The following POLR3B variants were observed in gnomAD, a reference collection of about 807,000 sequenced individuals.
POLR3B encodes the protein RNA polymerase III subunit B.
A neutral mutation model predicts 147.4 loss-of-function variants in POLR3B; 96 were observed. The ratio of observed to expected loss-of-function variants is 0.65; its 90% CI spans 0.55 to 0.77. The LOEUF (loss-of-function observed/expected upper bound fraction) is 0.77, where lower values mean the gene tolerates loss of function less well. Ranked by LOEUF, POLR3B falls within the 30% of genes least tolerant of loss-of-function variation. The probability of loss-of-function intolerance (pLI) is 0.00; values close to 1 mark genes in which losing one functional copy is unlikely to be tolerated. For synonymous variants in POLR3B, 461 were observed against 485.9 expected, an observed-to-expected ratio of 0.95 and a Z score of 0.67; for missense variants, 1,036 against 1,413.5, an observed-to-expected ratio of 0.73 and a Z score of 4.28.
intron 21 of POLR3B, among the ~76,000 whole-genome samples, chr12:106,458,428 TATG>T (rs1168494228): frequency 6.6e-6 from 1 of 152,178 alleles, no homozygotes; most frequent in African/African-American, 2.4e-5. Flanking sequence ...CTATTTTCAT[TATG>T]ATCCTAAAAG....
intron 23 of POLR3B, among the ~76,000 whole-genome samples, chr12:106,474,766 A>G (rs1169611101): frequency 6.8e-6 from 1 of 146,728 alleles, no homozygotes; most frequent in African/African-American, 2.5e-5. Flanking sequence ...TTTTTTCTTT[A>G]TTAGTCTTGC....
chr12:106,436,071 C>T (rs1232152726), intron 16 of POLR3B, among the ~76,000 whole-genome samples: 1 of 152,152 alleles, frequency 6.6e-6, no homozygotes, highest in Non-Finnish European at 1.5e-5. Context: ...GCCAGAATTT[C>T]GAGGTACTGT....
chr12:106,384,061 A>G (rs184693097), intron 9 of POLR3B, among the ~76,000 whole-genome samples: 6 of 152,260 alleles, frequency 3.9e-5, no homozygotes, highest in Admixed American at 6.5e-5. Context: ...TATTGCAAGA[A>G]TTACCAAAGT....
At chr12:106,434,925 T>C (rs2037558077) in intron 16 of POLR3B, among the ~76,000 whole-genome samples, 1 of 152,148 alleles carries the variant, frequency 6.6e-6, no homozygotes, top group Non-Finnish European at 1.5e-5. Context: ...ATGAGGTCAG[T>C]CAGACCCCCT....
chr12:106,390,645 TAA>T (rs1008965984), intron 9 of POLR3B, among the ~76,000 whole-genome samples: 1 of 140,386 alleles, frequency 7.1e-6, no homozygotes. Context: ...AATTGGAGGT[TAA>T]AAAAAAAGAC....
intron 27 of POLR3B, 41 bp from the exon 28 acceptor site, chr12:106,509,379 C>T (rs1009228834): frequency 6.2e-6 from 10 of 1,610,732 alleles, no homozygotes; most frequent in East Asian, 2.2e-5. Context: ...CCTTTGTTTC[C>T]GAGTTGCTGT....
intron 23 of POLR3B, among the ~76,000 whole-genome samples, chr12:106,483,135 A>C (rs575987805): frequency 5.6e-4 from 85 of 152,268 alleles, no homozygotes; most frequent in African/African-American, 1.9e-3. Context: ...GGCCTGTAAA[A>C]CCCAAATATA....
chr12:106,431,299 T>G (rs1338951671), intron 14 of POLR3B, among the ~76,000 whole-genome samples: 1 of 152,216 alleles, frequency 6.6e-6, no homozygotes, highest in African/African-American at 2.4e-5. Context: ...ACACTAAAAT[T>G]ATCCAGTTTG....
chr12:106,455,344 A>G (rs911969772), intron 20 of POLR3B, among the ~76,000 whole-genome samples: 1 of 152,168 alleles, frequency 6.6e-6, no homozygotes, highest in South Asian at 2.1e-4. Context: ...CGTACCCACT[A>G]TGCCTTCCCC....
chr12:106,369,244 A>T, intron 4 of POLR3B, 31 bp from the exon 5 acceptor site: 1 of 1,163,136 alleles, frequency 8.6e-7, no homozygotes, highest in Non-Finnish European at 1.3e-6. Flanking sequence ...TCGAAGAAGT[A>T]TAATTCATAC....
intron 27 of POLR3B, among the ~76,000 whole-genome samples, chr12:106,508,624 AT>A (rs1291668882): frequency 6.6e-6 from 1 of 152,218 alleles, no homozygotes; most frequent in Non-Finnish European, 1.5e-5. Context: ...GTAGCCATTG[AT>A]TAAGAACTAA....
intron 21 of POLR3B, 69 bp from the exon 22 acceptor site, chr12:106,459,182 C>T: frequency 1.1e-6 from 1 of 903,024 alleles, no homozygotes; most frequent in Non-Finnish European, 1.8e-6. Flanking sequence ...TGCATCTTTG[C>T]CTAGTTCGTA....
chr12:106,508,803 T>C (rs1194205369), intron 27 of POLR3B, among the ~76,000 whole-genome samples: 1 of 152,188 alleles, frequency 6.6e-6, no homozygotes. Context: ...CAACATGTTG[T>C]AAGTATAGTA....
chr12:106,504,238 C>A lies in POLR3B; in HGVS notation c.3256C>A (p.Leu1086Met). The A allele has an allele frequency of 6.2e-7, 1 of 1,614,016 alleles. No individual in the cohort carries two copies. Among genetic ancestry groups the A allele is most frequent in the South Asian group, 1.1e-5 (1 of 91,074 alleles). ...TGATGTCTGTGGGCAGTGTGGACTT[C>A]TGGGGTATTCTGGCTGGTAAGTGGA... ...EVDVCGQCGL[L>M]GYSGWCHYCK... Residue 1086 changes from leucine (L) to methionine (M), a missense_variant, in exon 27 of 28, where the codon CTG becomes ATG. Around this residue, in one of 12 missense-constraint regions of POLR3B, gnomAD observed 69 missense variants for 89.8 expected, o/e 0.77. Coordinates refer to ENST00000228347, the MANE Select transcript of POLR3B (RefSeq NM_018082.6). The surrounding 1 kb of genome is among the most constrained non-coding windows in gnomAD (Gnocchi z 4.6).
intron 19 of POLR3B, among the ~76,000 whole-genome samples, chr12:106,453,562 G>C (rs1261759806): frequency 6.6e-6 from 1 of 152,016 alleles, no homozygotes; most frequent in Admixed American, 6.6e-5. Flanking sequence ...AGATACCTAG[G>C]AGAAGTTAAA....
chr12:106,409,869 T>G (rs1373664029), intron 11 of POLR3B, among the ~76,000 whole-genome samples: 1 of 152,202 alleles, frequency 6.6e-6, no homozygotes, highest in Non-Finnish European at 1.5e-5. Context: ...TCAAAATTTG[T>G]CTTTTTAGAT....
chr12:106,502,498 A>T (rs7301296), intron 26 of POLR3B, among the ~76,000 whole-genome samples: 1 of 152,174 alleles, frequency 6.6e-6, no homozygotes, highest in African/African-American at 2.4e-5. Flanking sequence ...TGTGTACAGC[A>T]CCCATCCACA....
At position 106,357,930 on chromosome 12, in the gene POLR3B, G is replaced by A; in HGVS notation, c.51G>A (p.Ala17=). Residue 17 remains alanine, a synonymous_variant, in exon 1 of 28, where the codon GCG becomes GCA. Coordinates refer to ENST00000228347, the MANE Select transcript of POLR3B (RefSeq NM_018082.6). ...GGAACCTGACTCCGGAGCAGCTGGC[G>A]GCGCCGATCCCGACTGTAGAGGTCA... ...EFGNLTPEQL[A]APIPTVEEKW... is the part of the protein sequence containing the mutation. 6.2e-7 allele frequency: 1 copy of A among 1,613,310 alleles called. No individual in the cohort carries two copies. Among genetic ancestry groups the A allele is most frequent in the Non-Finnish European group, 8.5e-7 (1 of 1,179,964 alleles).
At chr12:106,359,576 G>A (rs535990677) in intron 1 of POLR3B, among the ~76,000 whole-genome samples, 2 of 152,110 alleles carry the variant, frequency 1.3e-5, no homozygotes, top group East Asian at 3.9e-4. Context: ...GTGATCCACC[G>A]CCTCGGCCTC....
Sources: gnomAD v4.1 joint callset for allele counts (sites outside exome capture counted in the v4.1 genomes callset) on GRCh38, gnomAD v4.1.1 for gene constraint, gnomAD v4.1.1 regional missense constraint, Gnocchi (gnomAD v3.1) non-coding constraint, MANE v1.5 for transcripts, NCBI Gene and HGNC (gene_info 2026-07-23, HGNC 2026-07-21) for gene names.